The following SPAG16 variants were observed in gnomAD, a reference collection of about 807,000 sequenced individuals.
SPAG16 encodes the protein sperm associated antigen 16, also known as sperm-associated antigen 16 protein.
SPAG16 carries 86 observed loss-of-function variants against 80.4 expected under a neutral mutation model. The observed-to-expected ratio is 1.07, with a 90% CI of 0.90 to 1.28. The LOEUF (loss-of-function observed/expected upper bound fraction) is 1.28. Ranked by LOEUF, SPAG16 falls within the 50% of genes most tolerant of loss-of-function variation. The pLI, the probability that SPAG16 is intolerant of heterozygous loss-of-function variation, is 0.00. For synonymous variants in SPAG16, 294 were observed against 265.9 expected (o/e 1.11, Z -1.03); for missense variants, 870 against 765.3 (o/e 1.14, Z -1.61).
intron 10 of SPAG16, among the ~76,000 whole-genome samples, chr2:213,741,103 A>G (rs2067530912): frequency 1.3e-5 from 2 of 152,336 alleles, no homozygotes; most frequent in South Asian, 4.1e-4. Context: ...AAATTAAAAT[A>G]TAATAAATGT....
At chr2:214,294,949 A>G (rs1694032528) in intron 15 of SPAG16, among the ~76,000 whole-genome samples, 1 of 152,250 alleles carries the variant, frequency 6.6e-6, no homozygotes, top group African/African-American at 2.4e-5. Context: ...AGAATACAAA[A>G]TTCTTGATTT....
chr2:214,275,090 G>A (rs1692358825), intron 15 of SPAG16, among the ~76,000 whole-genome samples: 1 of 152,154 alleles, frequency 6.6e-6, no homozygotes, highest in Non-Finnish European at 1.5e-5. Flanking sequence ...GTGTAGAGGT[G>A]TTTATAGTAT....
chr2:213,509,198 A>G (rs1320047405), intron 10 of SPAG16, among the ~76,000 whole-genome samples: 1 of 152,082 alleles, frequency 6.6e-6, no homozygotes, highest in Non-Finnish European at 1.5e-5. Context: ...GGGTTTCACC[A>G]TCTTGGTCAG....
intron 10 of SPAG16, among the ~76,000 whole-genome samples, chr2:213,543,148 G>T (rs1467595385): frequency 1.3e-5 from 2 of 151,976 alleles, no homozygotes; most frequent in Non-Finnish European, 2.9e-5. Flanking sequence ...TTCCTTGAAA[G>T]ACACAAACTA....
At chr2:213,490,852 T>C (rs771425065) in intron 10 of SPAG16, among the ~76,000 whole-genome samples, 2 of 152,308 alleles carry the variant, frequency 1.3e-5, no homozygotes, top group Admixed American at 1.3e-4. Flanking sequence ...CAAAAATATA[T>C]GGCATTTGTT....
chr2:213,621,377 C>G (rs902317911), intron 10 of SPAG16, among the ~76,000 whole-genome samples: 1 of 152,038 alleles, frequency 6.6e-6, no homozygotes, highest in Non-Finnish European at 1.5e-5. Flanking sequence ...ATACACATCA[C>G]AAATAAAGCA....
chr2:213,562,792 G>T (rs1032604436), intron 10 of SPAG16, among the ~76,000 whole-genome samples: 2 of 151,248 alleles, frequency 1.3e-5, no homozygotes, highest in African/African-American at 4.9e-5. Context: ...TACTCATGTG[G>T]TGGAAGGGAC....
intron 10 of SPAG16, among the ~76,000 whole-genome samples, chr2:213,655,644 C>T (rs895595635): frequency 1.3e-5 from 2 of 152,146 alleles, no homozygotes; most frequent in Admixed American, 1.3e-4. Flanking sequence ...GATCCTGGGG[C>T]TGGTCACATA....
intron 9 of SPAG16, among the ~76,000 whole-genome samples, chr2:213,379,610 A>T (rs1040079214): frequency 6.6e-6 from 1 of 152,204 alleles, no homozygotes; most frequent in African/African-American, 2.4e-5. Flanking sequence ...ACCCATATCC[A>T]GAGTAAGTGT....
At chr2:213,638,511 T>C (rs922988333) in intron 10 of SPAG16, among the ~76,000 whole-genome samples, 1 of 152,198 alleles carries the variant, frequency 6.6e-6, no homozygotes, top group South Asian at 2.1e-4. Flanking sequence ...CCAAAGACCA[T>C]TCAGGAGCAG....
intron 10 of SPAG16, among the ~76,000 whole-genome samples, chr2:213,776,803 A>G (rs2069607129): frequency 6.6e-6 from 1 of 150,926 alleles, no homozygotes; most frequent in Non-Finnish European, 1.5e-5. Flanking sequence ...AGATCTCATA[A>G]TATCTTACCA....
At position 213,317,254 on chromosome 2, in the gene SPAG16, G is replaced by T; in HGVS notation, c.434G>T (p.Arg145Ile). ...ATACAGAAAGGAGTGACTGAACTTA[G>T]AACTGTTGGGAATGTTCCAGATGTC... is the stretch of plus-strand genomic sequence containing the variant. ...ELIQKGVTELRTVGNVPDVYT... is the reference protein window; with the variant it reads ...ELIQKGVTELITVGNVPDVYT... Residue 145 changes from arginine to isoleucine, a missense_variant, in exon 5 of 16, where the codon AGA becomes ATA. By Grantham distance (97) the Arg-to-Ile change is moderately conservative. Transcript: ENST00000331683. 1 of 1,607,358 alleles carries T rather than the reference G, an allele frequency of 6.2e-7. No homozygotes were observed. The highest frequency in any genetic ancestry group is 8.5e-7 in the Non-Finnish European group (1 of 1,176,192).
intron 10 of SPAG16, among the ~76,000 whole-genome samples, chr2:213,834,317 T>C (rs1212831467): frequency 1.3e-5 from 2 of 152,150 alleles, no homozygotes; most frequent in Non-Finnish European, 1.5e-5. Flanking sequence ...CTACATGACA[T>C]GGGAGCCTTC....
At chr2:214,024,927 T>C (rs1471152407) in intron 13 of SPAG16, among the ~76,000 whole-genome samples, 1 of 151,630 alleles carries the variant, frequency 6.6e-6, no homozygotes, top group Non-Finnish European at 1.5e-5. Flanking sequence ...TTGAGCATAA[T>C]AATGTAGAAA....
chr2:214,389,885 G>T (rs1700971628), intron 15 of SPAG16, among the ~76,000 whole-genome samples: 1 of 152,162 alleles, frequency 6.6e-6, no homozygotes, highest in South Asian at 2.1e-4. Context: ...TAGGGCATTA[G>T]TCTGGACCGA....
At chr2:213,675,079 A>G (rs947323774) in intron 10 of SPAG16, among the ~76,000 whole-genome samples, 5 of 151,180 alleles carry the variant, frequency 3.3e-5, no homozygotes, top group Non-Finnish European at 7.4e-5. Flanking sequence ...TTGCCATTCT[A>G]AGTGGTGTGA....
In SPAG16 at chr2:213,959,977, C is replaced by G. The variant is rs139250728; in HGVS notation, c.1400+29832C>G. 4.3e-3 allele frequency among the ~76,000 whole-genome samples: 652 copies of G among 152,316 alleles called. 4 individuals are homozygous for G. Among genetic ancestry groups the G allele is most frequent in the Middle Eastern group, 0.02 (6 of 294 alleles). On this transcript the variant is annotated intron_variant, in intron 12 of 15. Transcript: ENST00000331683. ...AGCCATTATTTCTTTAAATATCTCT[C>G]TTACCCTTTCTCTCTCTCTTTTCCT...
At chr2:214,078,250 T>C (rs1412768237) in intron 13 of SPAG16, among the ~76,000 whole-genome samples, 2 of 152,032 alleles carry the variant, frequency 1.3e-5, no homozygotes, top group African/African-American at 4.8e-5. Context: ...ATTAAAAGTA[T>C]AGTCATCAAG....
chr2:213,314,093 G>A (rs62192302), intron 4 of SPAG16, among the ~76,000 whole-genome samples: 95 of 151,710 alleles, frequency 6.3e-4, no homozygotes, highest in Non-Finnish European at 8.3e-4. Flanking sequence ...TATGGCAGTG[G>A]GTCTTAAATG....
Sources: allele counts gnomAD v4.1 joint callset (sites outside exome capture counted in the v4.1 genomes callset), GRCh38; gene constraint gnomAD v4.1.1; transcripts MANE v1.5; gene names NCBI Gene and HGNC (gene_info 2026-07-23, HGNC 2026-07-21).